Variants in VWA8 observed in about 807,000 individuals in gnomAD.
VWA8 encodes von Willebrand factor A domain-containing protein 8.
VWA8 carries 221 observed loss-of-function variants against 241.5 expected under a neutral mutation model. That is an observed-to-expected ratio of 0.91 (90% confidence interval 0.82 to 1.02). The LOEUF is 1.02. Among genes scored for constraint, VWA8 ranks in the 50% least tolerant of loss-of-function variants. The pLI is 0.00. For synonymous variants in VWA8, 852 were observed against 827.1 expected, an observed-to-expected ratio of 1.03 and a Z score of -0.52; for missense variants, 2,322 against 2,328.7, an observed-to-expected ratio of 1.00 and a Z score of 0.06.
At chr13:41,941,942 A>G (rs1306584787) in intron 2 of VWA8, among the ~76,000 whole-genome samples, 1 of 152,168 alleles carries the variant, frequency 6.6e-6, no homozygotes, top group Non-Finnish European at 1.5e-5. Flanking sequence ...CAGAACTCAA[A>G]TTACATAAAA....
At chr13:41,718,113 T>A (rs957002335) in intron 26 of VWA8, among the ~76,000 whole-genome samples, 1 of 152,002 alleles carries the variant, frequency 6.6e-6, no homozygotes, top group Non-Finnish European at 1.5e-5. Flanking sequence ...AATTTTTATT[T>A]ATAGTCATGC....
chr13:41,891,497 A>C lies in VWA8; in HGVS notation c.574T>G (p.Leu192Val). The stretch of plus-strand genomic sequence containing the variant: ...AGCTGCATCTCTCTGTTTTCCAGCA[A>C]GTTGTTCAAAACAGGCAAAACATTC... ...ERNVLPVLNN[L>V]LENREMQLED... Residue 192 changes from leucine to valine, a missense_variant, in exon 5 of 45, where the codon TTG becomes GTG. Physicochemically the swap from Leu to Val is conservative, Grantham distance 32. Coordinates refer to ENST00000379310, the MANE Select transcript of VWA8 (RefSeq NM_015058.2). 6.2e-7 allele frequency: 1 copy of C among 1,614,192 alleles called. No homozygotes were observed. Among genetic ancestry groups the C allele is most frequent in the Non-Finnish European group, 8.5e-7 (1 of 1,180,024 alleles).
chr13:41,858,463 G>A lies in VWA8; in HGVS notation c.1425+7273C>T, dbSNP rs187940863. Among the ~76,000 whole-genome samples, 17 of 152,110 alleles carry A rather than the reference G, an allele frequency of 1.1e-4. No homozygotes were observed. In the South Asian group the frequency reaches 2.3e-3, roughly 20 times the overall value. On this transcript the variant is annotated intron_variant, in intron 12 of 44. Coordinates refer to ENST00000379310, the MANE Select transcript of VWA8 (RefSeq NM_015058.2). ...TCTACTAAAAATACAAAAATTAGCCGGGTGTGGTGGTGTGGGCCTATAATC... is the reference window on the plus strand; with the variant it reads ...TCTACTAAAAATACAAAAATTAGCCAGGTGTGGTGGTGTGGGCCTATAATC...
At chr13:41,695,133 G>A (rs1011337121) in intron 29 of VWA8, among the ~76,000 whole-genome samples, 15 of 152,118 alleles carry the variant, frequency 9.9e-5, no homozygotes, top group Non-Finnish European at 1.3e-4. Context: ...GAGGAGACGC[G>A]AGTGAGCAAT....
At chr13:41,592,480 A>T (rs566993990) in intron 40 of VWA8, among the ~76,000 whole-genome samples, 41 of 71,660 alleles carry the variant, frequency 5.7e-4, no homozygotes, top group African/African-American at 1.5e-3. Flanking sequence ...TAAAAAAAAT[A>T]AAATAAAATA....
Position 41,833,528 on chromosome 13 carries a change from T to C in VWA8, c.1429A>G (p.Met477Val). ...TGCTGTAGCAGATCACGCGCTGTCA[T>C]ATCCTAAAACAAATCCCCACCACCC... ...NIEPIMLYQDMTARDLLQQRY... is the reference protein window; with the variant it reads ...NIEPIMLYQDVTARDLLQQRY... The change falls in exon 13 of 45, where the codon ATG (methionine) becomes GTG (valine). Residue 477 changes from methionine to valine, a missense_variant. By Grantham distance (21) the Met-to-Val change is conservative. Transcript: ENST00000379310. The C allele has an allele frequency of 6.2e-7, 1 of 1,604,780 alleles. No individual in the cohort carries two copies. Among genetic ancestry groups the C allele is most frequent in the Non-Finnish European group, 8.5e-7 (1 of 1,176,514 alleles).
chr13:41,851,072 G>A (rs1224396271), intron 12 of VWA8, among the ~76,000 whole-genome samples: 2 of 152,148 alleles, frequency 1.3e-5, no homozygotes, highest in African/African-American at 2.4e-5. Flanking sequence ...ATACAATATG[G>A]TATTATCACC....
intron 18 of VWA8, among the ~76,000 whole-genome samples, chr13:41,786,101 T>C (rs1418974132): frequency 6.6e-6 from 1 of 152,184 alleles, no homozygotes; most frequent in African/African-American, 2.4e-5. Flanking sequence ...GGCATTATTT[T>C]GGTACATTTG....
At chr13:41,834,063 CT>C (rs1372232840) in intron 12 of VWA8, among the ~76,000 whole-genome samples, 1 of 152,112 alleles carries the variant, frequency 6.6e-6, no homozygotes, top group African/African-American at 2.4e-5. Flanking sequence ...TTTAAAGAGG[CT>C]TGATAATGGA....
At chr13:41,613,895 G>C (rs1290079739) in intron 38 of VWA8, among the ~76,000 whole-genome samples, 1 of 152,190 alleles carries the variant, frequency 6.6e-6, no homozygotes, top group African/African-American at 2.4e-5. Flanking sequence ...AAGGAGCCTT[G>C]ATCAATTGAA....
intron 21 of VWA8, among the ~76,000 whole-genome samples, chr13:41,758,660 T>C (rs2045717565): frequency 6.6e-6 from 1 of 150,716 alleles, no homozygotes; most frequent in South Asian, 2.1e-4. Flanking sequence ...ATCTATAACA[T>C]GCATGCCATT....
At chr13:41,747,367 A>T (rs1395546844) in intron 21 of VWA8, among the ~76,000 whole-genome samples, 1 of 152,120 alleles carries the variant, frequency 6.6e-6, no homozygotes, top group Admixed American at 6.5e-5. Flanking sequence ...GCAACTGTGA[A>T]TGGGAGTTCT....
chr13:41,663,764 C>T (rs376294660), intron 37 of VWA8, among the ~76,000 whole-genome samples: 5 of 151,842 alleles, frequency 3.3e-5, no homozygotes, highest in African/African-American at 9.6e-5. Context: ...CCCCGACTTA[C>T]GATGATTCAA....
intron 37 of VWA8, among the ~76,000 whole-genome samples, chr13:41,658,110 T>A (rs980951079): frequency 6.6e-6 from 1 of 152,210 alleles, no homozygotes; most frequent in Non-Finnish European, 1.5e-5. Context: ...ATACAGTGTT[T>A]CCTAACAGCT....
intron 26 of VWA8, among the ~76,000 whole-genome samples, chr13:41,711,433 C>T (rs1042968599): frequency 2.0e-5 from 3 of 152,118 alleles, no homozygotes; most frequent in Non-Finnish European, 4.4e-5. Flanking sequence ...ATTAGCCCCC[C>T]AAAGGAAGCC....
intron 42 of VWA8, among the ~76,000 whole-genome samples, chr13:41,581,064 A>G (rs1325068763): frequency 1.2e-5 from 1 of 80,806 alleles, no homozygotes; most frequent in African/African-American, 1.1e-4. Flanking sequence ...CAGTGGCGCA[A>G]TCTCGGCTCA....
intron 29 of VWA8, 24 bp downstream of exon 29, chr13:41,699,047 T>C: frequency 6.2e-7 from 1 of 1,613,642 alleles, no homozygotes; most frequent in Non-Finnish European, 8.5e-7. Context: ...ATTCCTCACA[T>C]AATTGTAGCC....
chr13:41,891,734 T>C, intron 4 of VWA8, 147 bp from the exon 5 acceptor site: 1 of 847,848 alleles, frequency 1.2e-6, no homozygotes, highest in Non-Finnish European at 1.8e-6. Context: ...GTTTTGCTTT[T>C]TCTGCCTATA....
At chr13:41,865,339 T>C (rs1299003679) in intron 12 of VWA8, 2 of 389,920 alleles carry the variant, frequency 5.1e-6, no homozygotes, top group Non-Finnish European at 1.0e-5. Flanking sequence ...TATTAACTAC[T>C]AGCTATTTTA....
Sources: allele counts gnomAD v4.1 joint callset (sites outside exome capture counted in the v4.1 genomes callset), GRCh38; gene constraint gnomAD v4.1.1; transcripts MANE v1.5; gene names NCBI Gene and HGNC (gene_info 2026-07-23, HGNC 2026-07-21).